Variants in ZNF407 observed in about 807,000 individuals in gnomAD.
ZNF407 encodes the protein zinc finger protein 407.
In ZNF407, 17 loss-of-function variants were observed where a neutral mutation model predicts 131.2. The ratio of observed to expected loss-of-function variants is 0.13; its 90% CI spans 0.09 to 0.19. ZNF407 has a LOEUF of 0.19. Among genes scored for constraint, ZNF407 ranks in the 10% least tolerant of loss-of-function variants. The pLI is 1.00. For synonymous variants in ZNF407, 1,156 were observed against 1,062.0 expected (o/e 1.09, Z -1.72); for missense variants, 2,681 against 2,830.6 (o/e 0.95, Z 1.20).
intron 8 of ZNF407, among the ~76,000 whole-genome samples, chr18:74,993,833 A>G (rs1026643250): frequency 6.6e-5 from 10 of 152,238 alleles, no homozygotes; most frequent in African/African-American, 2.2e-4. Context: ...TTGTAATTTA[A>G]GATGCAGAAA....
chr18:75,024,833 C>G (rs557027298), intron 8 of ZNF407, among the ~76,000 whole-genome samples: 75 of 152,296 alleles, frequency 4.9e-4, no homozygotes, highest in African/African-American at 1.7e-3. Context: ...CAATAATTAT[C>G]TGAAAATACC....
chr18:74,876,060 G>A (rs1212988480), intron 4 of ZNF407, among the ~76,000 whole-genome samples: 1 of 152,188 alleles, frequency 6.6e-6, no homozygotes, highest in Non-Finnish European at 1.5e-5. Flanking sequence ...TTCTTTATCA[G>A]CCCTTATGGG....
intron 4 of ZNF407, among the ~76,000 whole-genome samples, chr18:74,807,944 C>G (rs1265698328): frequency 6.6e-6 from 1 of 152,014 alleles, no homozygotes; most frequent in Non-Finnish European, 1.5e-5. Context: ...GTCTTGATCT[C>G]CTGGGCTCAA....
At chr18:74,930,772 C>G (rs918971401) in intron 8 of ZNF407, among the ~76,000 whole-genome samples, 10 of 152,310 alleles carry the variant, frequency 6.6e-5, no homozygotes, top group Admixed American at 6.5e-4. Context: ...CACCCCCATC[C>G]TTTTAGAGAC....
chr18:74,777,172 T>C (rs1273324054), intron 3 of ZNF407, among the ~76,000 whole-genome samples: 1 of 152,138 alleles, frequency 6.6e-6, no homozygotes, highest in Non-Finnish European at 1.5e-5. Flanking sequence ...GTCTTTATTA[T>C]ATGGTATGTA....
At chr18:74,636,392 A>G (rs974281202) in intron 2 of ZNF407, among the ~76,000 whole-genome samples, 1 of 152,198 alleles carries the variant, frequency 6.6e-6, no homozygotes, top group Non-Finnish European at 1.5e-5. Context: ...AAATTTATGT[A>G]AAAATTCACT....
chr18:74,941,557 A>C (rs1187724207), intron 8 of ZNF407, among the ~76,000 whole-genome samples: 2 of 152,238 alleles, frequency 1.3e-5, no homozygotes, highest in African/African-American at 2.4e-5. Flanking sequence ...GTTGCTAAGC[A>C]AATATTTGAA....
intron 8 of ZNF407, among the ~76,000 whole-genome samples, chr18:75,045,339 A>G (rs1055952569): frequency 3.7e-4 from 56 of 152,336 alleles, no homozygotes; most frequent in African/African-American, 1.3e-3. Flanking sequence ...CACTGTTTAC[A>G]TAAGATTATA....
intron 8 of ZNF407, among the ~76,000 whole-genome samples, chr18:74,969,752 G>T (rs867327995): frequency 2.8e-4 from 42 of 152,160 alleles, no homozygotes; most frequent in African/African-American, 9.9e-4. Flanking sequence ...TTTCCACACG[G>T]ACCTTGGGGT....
intron 8 of ZNF407, among the ~76,000 whole-genome samples, chr18:74,971,103 G>A (rs1267357413): frequency 5.3e-5 from 8 of 152,194 alleles, no homozygotes; most frequent in Non-Finnish European, 1.2e-4. Context: ...GAGTGGCTGG[G>A]ACACAGGGCA....
chr18:74,771,631 ATATAT>A (rs1359499045), intron 3 of ZNF407, among the ~76,000 whole-genome samples: 1 of 152,038 alleles, frequency 6.6e-6, no homozygotes, highest in Non-Finnish European at 1.5e-5. Context: ...TAAAAATAAA[ATATAT>A]TTATTTTGAT....
chr18:74,918,591 C>G (rs1379602478), intron 7 of ZNF407, among the ~76,000 whole-genome samples: 4 of 152,180 alleles, frequency 2.6e-5, no homozygotes, highest in African/African-American at 4.8e-5. Context: ...TGCATACATT[C>G]ACTGTCTTGC....
intron 4 of ZNF407, among the ~76,000 whole-genome samples, chr18:74,806,444 G>A (rs56344160): frequency 0.17 from 25,627 of 152,200 alleles, 2,512 homozygotes; most frequent in Non-Finnish European, 0.22. Context: ...GCCAGGGGTG[G>A]AGGACCTGAG....
At chr18:74,845,792 A>G (rs574440949) in intron 4 of ZNF407, among the ~76,000 whole-genome samples, 6 of 152,226 alleles carry the variant, frequency 3.9e-5, no homozygotes, top group Non-Finnish European at 7.4e-5. Flanking sequence ...TTGGGGAGAT[A>G]CATAATAGCA....
At chr18:75,034,888 G>A (rs990901326) in intron 8 of ZNF407, among the ~76,000 whole-genome samples, 1 of 152,072 alleles carries the variant, frequency 6.6e-6, no homozygotes, top group African/African-American at 2.4e-5. Flanking sequence ...TAGATTCCTC[G>A]CTTGGTTTGC....
intron 3 of ZNF407, among the ~76,000 whole-genome samples, chr18:74,761,714 A>C (rs1599132519): frequency 6.6e-6 from 1 of 152,112 alleles, no homozygotes; most frequent in East Asian, 1.9e-4. Context: ...GACTGCTAGA[A>C]ACTGCTGGGT....
chr18:74,893,479 A>G (rs534361617), intron 7 of ZNF407, among the ~76,000 whole-genome samples: 2 of 152,320 alleles, frequency 1.3e-5, no homozygotes, highest in East Asian at 3.9e-4. Context: ...AGTATAAAAA[A>G]TTTGCAAAAG....
chr18:74,815,462 A>G (rs952477364), intron 4 of ZNF407, among the ~76,000 whole-genome samples: 7 of 152,044 alleles, frequency 4.6e-5, no homozygotes, highest in South Asian at 2.1e-4. Context: ...TGTCTTTATC[A>G]TATTTCTTCC....
At chr18:74,943,669 G>A (rs536307951) in intron 8 of ZNF407, among the ~76,000 whole-genome samples, 3 of 152,260 alleles carry the variant, frequency 2.0e-5, no homozygotes, top group East Asian at 1.9e-4. Flanking sequence ...TTGGAAGAAC[G>A]AAGTCATGGA....
Sources: gnomAD v4.1 joint callset for allele counts (sites outside exome capture counted in the v4.1 genomes callset) on GRCh38, gnomAD v4.1.1 for gene constraint, MANE v1.5 for transcripts, NCBI Gene and HGNC (gene_info 2026-07-23, HGNC 2026-07-21) for gene names.